Variants in HNRNPD observed in about 807,000 individuals in gnomAD.
HNRNPD encodes heterogeneous nuclear ribonucleoprotein D, also known as heterogeneous nuclear ribonucleoprotein D0.
A neutral mutation model predicts 47.9 loss-of-function variants in HNRNPD; 3 were observed. The ratio of observed to expected loss-of-function variants is 0.06; its 90% CI spans 0.03 to 0.16. The LOEUF (loss-of-function observed/expected upper bound fraction) is 0.16, where lower values mean the gene tolerates loss of function less well. Ranked by LOEUF, HNRNPD falls within the 10% of genes least tolerant of loss-of-function variation. HNRNPD has a pLI of 1.00. For synonymous variants in HNRNPD, 171 were observed against 165.1 expected (o/e 1.04, Z -0.28); for missense variants, 287 against 454.2 (o/e 0.63, Z 3.35).
At position 82,353,775 on chromosome 4, in the gene HNRNPD, A is replaced by G. The variant is rs1365005530; in HGVS notation, c.*410T>C. On this transcript the variant is annotated 3_prime_UTR_variant, in exon 9 of 9. Transcript: ENST00000313899. ...CCTGTCTTCCAAACTTATGCTTTTAATAACTTGAATCCATGACAATTTTTC... is the reference window on the plus strand; with the variant it reads ...CCTGTCTTCCAAACTTATGCTTTTAGTAACTTGAATCCATGACAATTTTTC... 1 of 152,664 alleles carries G rather than the reference A, an allele frequency of 6.6e-6. No homozygotes were observed. The highest frequency in any genetic ancestry group is 2.4e-5 in the African/African-American group (1 of 41,468). 9.5% of individuals were successfully genotyped at this position (152,664 alleles called of 1,614,324 possible).
Position 82,371,594 on chromosome 4 carries a change from TAAC to T in HNRNPD, c.234-13_234-11del, listed in dbSNP as rs772413045. Reference sequence around the variant, plus strand: ...GGAGGAGTTTGAATGGCTAGGGAATTAACAACCGGTACAGCAACCAATCAAAAT... The same window carrying T: ...GGAGGAGTTTGAATGGCTAGGGAATTAACCGGTACAGCAACCAATCAAAAT... On this transcript the variant is annotated splice_polypyrimidine_tract_variant and intron_variant, in intron 1 of 8. Coordinates refer to ENST00000313899, the MANE Select transcript of HNRNPD (RefSeq NM_031370.3). The T allele has an allele frequency of 9.3e-6, 15 of 1,610,938 alleles. No individual in the cohort carries two copies. The highest frequency in any genetic ancestry group is 5.3e-5 in the African/African-American group (4 of 74,826).
At position 82,353,673 on chromosome 4, in the gene HNRNPD, T is replaced by C. The variant is rs1266144689; in HGVS notation, c.*512A>G. The C allele has an allele frequency of 3.3e-5, 5 of 152,626 alleles. No individual in the cohort carries two copies. The highest frequency in any genetic ancestry group is 7.4e-5 in the Non-Finnish European group (5 of 68,016). 9.5% of individuals were successfully genotyped at this position (152,626 alleles called of 1,614,324 possible). A position where few individuals can be genotyped will look rare whatever the true frequency, so the allele number is the denominator to read the frequency against. ...TCCCAATTTGGACAGGGAGGACACATTATGGCAAAAATTAGATTTTGCTAA... is the reference window on the plus strand; with the variant it reads ...TCCCAATTTGGACAGGGAGGACACACTATGGCAAAAATTAGATTTTGCTAA... On this transcript the variant is annotated 3_prime_UTR_variant, in exon 9 of 9. Transcript: ENST00000313899.
chr4:82,371,647 T>C, intron 1 of HNRNPD, 63 bp from the exon 2 acceptor site: 1 of 1,364,598 alleles, frequency 7.3e-7, no homozygotes, highest in Non-Finnish European at 1.0e-6. Flanking sequence ...TTGACACTGT[T>C]AGGGTTAAAA....
chr4:82,370,321 A>C (rs1460832208), intron 2 of HNRNPD, among the ~76,000 whole-genome samples: 7 of 152,212 alleles, frequency 4.6e-5, no homozygotes, highest in Non-Finnish European at 8.8e-5. Context: ...CGAAGAGTCA[A>C]AACACTGACC....
chr4:82,373,327 G>GA, intron 1 of HNRNPD, 119 bp downstream of exon 1: 1 of 1,342,082 alleles, frequency 7.5e-7, no homozygotes, highest in East Asian at 2.5e-5. Context: ...CCAGTGCAAG[G>GA]AGGCTGCATG....
intron 2 of HNRNPD, among the ~76,000 whole-genome samples, chr4:82,370,977 T>TACACACACACACACAC (rs755789567): frequency 2.6e-4 from 9 of 34,496 alleles, no homozygotes; most frequent in African/African-American, 8.8e-4. Flanking sequence ...TAATGGTATA[T>TACACACACACACACAC]ATATACACAC....
intron 2 of HNRNPD, among the ~76,000 whole-genome samples, chr4:82,367,539 T>C (rs1232194661): frequency 2.0e-5 from 3 of 152,334 alleles, no homozygotes; most frequent in East Asian, 3.9e-4. Context: ...TTTTTGAGTA[T>C]ATTTTCTCAT....
rs1416530561 is a variant in HNRNPD, at chr4:82,352,542, C to T, written c.*1643G>A. On this transcript the variant is annotated 3_prime_UTR_variant, in exon 9 of 9. Transcript: ENST00000313899. ...TATTGAGAGATTTACATAAAATAAG[C>T]ATATGATACCAAAAAGAACCCTAGC... is the stretch of plus-strand genomic sequence containing the variant. 6.6e-6 allele frequency: 1 copy of T among 152,074 alleles called. No homozygotes were observed. Among genetic ancestry groups the T allele is most frequent in the East Asian group, 1.9e-4 (1 of 5,196 alleles). 9.4% of individuals were successfully genotyped at this position (152,074 alleles called of 1,614,324 possible). A position where few individuals can be genotyped will look rare whatever the true frequency, so the allele number is the denominator to read the frequency against.
In HNRNPD at chr4:82,356,572, C is replaced by G; in HGVS notation, c.965G>C (p.Gly322Ala). The change falls in exon 7 of 9, where the codon GGT becomes GCT. Residue 322 changes from glycine to alanine, a missense_variant. By Grantham distance (60) the Gly-to-Ala change is moderately conservative (BLOSUM62 0). Transcript: ENST00000313899. ...ACCATATCCATAGTAGTTGTTGTAACCAGTGTAGTCATATCCTCCATAACC... is the reference window on the plus strand; with the variant it reads ...ACCATATCCATAGTAGTTGTTGTAAGCAGTGTAGTCATATCCTCCATAACC... ...YGGYGGYDYT[G>A]YNNYYGYGDY... is the part of the protein sequence containing the mutation. 3 of 1,610,522 alleles carry G rather than the reference C, an allele frequency of 1.9e-6. No homozygotes were observed. Among genetic ancestry groups the G allele is most frequent in the Non-Finnish European group, 1.7e-6 (2 of 1,178,490 alleles).
chr4:82,359,514 C>A lies in HNRNPD; in HGVS notation c.416G>T (p.Gly139Val). Residue 139 changes from glycine (G) to valine (V), a missense_variant, in exon 3 of 9, where the codon GGT becomes GTT. Physicochemically the swap from Gly to Val is moderately radical, Grantham distance 109. Transcript: ENST00000313899. ...KLDPITGRSR[G>V]FGFVLFKESE... is the part of the protein sequence containing the mutation. ...TTCTTTAAATAGCACAAAGCCAAAA[C>A]CCCTTGATCGCCCTGTGATAGGATC... is the stretch of plus-strand genomic sequence containing the variant. 6.3e-7 allele frequency: 1 copy of A among 1,597,620 alleles called. No individual in the cohort carries two copies. The highest frequency in any genetic ancestry group is 1.1e-5 in the South Asian group (1 of 89,618).
Position 82,364,407 on chromosome 4 carries a change from G to A in HNRNPD, c.291-4768C>T, listed in dbSNP as rs184356322. ...ACACTTAAAGGACACAGAATAGTCT[G>A]ACACACATCCTAAATGATTGATAGA... On this transcript the variant is annotated intron_variant, in intron 2 of 8. Coordinates refer to ENST00000313899, the MANE Select transcript of HNRNPD (RefSeq NM_031370.3). 2.5e-3 allele frequency among the ~76,000 whole-genome samples: 381 copies of A among 152,324 alleles called. 1 individual carries two copies. The highest frequency in any genetic ancestry group is 0.02 in the Middle Eastern group (6 of 294).
intron 2 of HNRNPD, 24 bp downstream of exon 2, chr4:82,371,504 A>G: frequency 1.3e-6 from 2 of 1,586,796 alleles, no homozygotes; most frequent in South Asian, 2.3e-5. Context: ...TTTATAATAC[A>G]GAAATAAAAT....
chr4:82,365,577 C>G lies in HNRNPD; in HGVS notation c.291-5938G>C, dbSNP rs552094748. On this transcript the variant is annotated intron_variant, in intron 2 of 8. Coordinates refer to ENST00000313899, the MANE Select transcript of HNRNPD (RefSeq NM_031370.3). ...TTCATCGAGTTCAAATACTAACCAG[C>G]CTTTTTAGATCTGATCTGGTATAAA... Among the ~76,000 whole-genome samples the G allele has an allele frequency of 4.4e-4, 67 of 151,936 alleles. 1 individual carries two copies. In the South Asian group the frequency reaches 7.7e-3, roughly 17 times the overall value.
chr4:82,368,496 A>G (rs909210056), intron 2 of HNRNPD, among the ~76,000 whole-genome samples: 3 of 152,210 alleles, frequency 2.0e-5, no homozygotes, highest in Non-Finnish European at 2.9e-5. Flanking sequence ...CCAAACTTAA[A>G]AAACGAGATT....
chr4:82,372,280 T>TA (rs1209846028), intron 1 of HNRNPD, among the ~76,000 whole-genome samples: 1 of 152,188 alleles, frequency 6.6e-6, no homozygotes, highest in East Asian at 1.9e-4. Flanking sequence ...CTAACTCCCG[T>TA]ATTATGTTCC....
At chr4:82,364,359 G>A (rs954897447) in intron 2 of HNRNPD, among the ~76,000 whole-genome samples, 1 of 152,148 alleles carries the variant, frequency 6.6e-6, no homozygotes, top group Non-Finnish European at 1.5e-5. Flanking sequence ...TCAGATATTT[G>A]CAGAGGGTTA....
Position 82,373,252 on chromosome 4 carries a change from G to A in HNRNPD, c.233+194C>T, listed in dbSNP as rs1007274904. The stretch of plus-strand genomic sequence containing the variant: ...GGAAACGTGTGTGATGGGGGAGGGG[G>A]GCGATAAGCAGGCAAAGGAAGAAGG... On this transcript the variant is annotated intron_variant, in intron 1 of 8. Transcript: ENST00000313899. The A allele has an allele frequency of 5.3e-5, 41 of 768,970 alleles. No homozygotes were observed. In the East Asian group the frequency reaches 6.8e-4, roughly 13 times the overall value. The allele number at this position is 768,970 out of a possible 1,614,324, so 47.6% of individuals were successfully genotyped here. A position where few individuals can be genotyped will look rare whatever the true frequency, so the allele number is the denominator to read the frequency against.
At chr4:82,360,745 G>A (rs1236676719) in intron 2 of HNRNPD, among the ~76,000 whole-genome samples, 5 of 152,110 alleles carry the variant, frequency 3.3e-5, no homozygotes, top group Non-Finnish European at 7.4e-5. Flanking sequence ...TCTCCATCTT[G>A]TGGGCTTTTA....
chr4:82,369,908 C>G (rs149500247), intron 2 of HNRNPD, among the ~76,000 whole-genome samples: 1 of 152,082 alleles, frequency 6.6e-6, no homozygotes, highest in South Asian at 2.1e-4. Context: ...TTGGGGAGGC[C>G]GAGGCAGGCG....
Sources: allele counts gnomAD v4.1 joint callset (sites outside exome capture counted in the v4.1 genomes callset), GRCh38; gene constraint gnomAD v4.1.1; transcripts MANE v1.5; gene names NCBI Gene and HGNC (gene_info 2026-07-23, HGNC 2026-07-21).